The following ACVR1C variants were observed in gnomAD, a reference collection of about 807,000 sequenced individuals.
ACVR1C encodes the protein activin receptor type-1C.
ACVR1C carries 23 observed loss-of-function variants against 57.9 expected under a neutral mutation model. That is an observed-to-expected ratio of 0.40 (90% CI 0.29 to 0.56). ACVR1C has a LOEUF of 0.56. Among genes scored for constraint, ACVR1C ranks in the 20% least tolerant of loss-of-function variants. ACVR1C has a pLI of 0.50. For missense variants in ACVR1C, 480 were observed against 607.9 expected, an observed-to-expected ratio of 0.79 and a Z score of 2.21; for synonymous variants, 214 against 215.3, an observed-to-expected ratio of 0.99 and a Z score of 0.05.
At chr2:157,594,901 A>G (rs950639563) in intron 1 of ACVR1C, among the ~76,000 whole-genome samples, 1 of 152,230 alleles carries the variant, frequency 6.6e-6, no homozygotes, top group South Asian at 2.1e-4. Context: ...TACTGCCTCA[A>G]AATTTTGAAT....
intron 3 of ACVR1C, 100 bp from the exon 4 acceptor site, chr2:157,550,492 T>G: frequency 9.3e-7 from 1 of 1,074,344 alleles, no homozygotes. Flanking sequence ...AACATTTAAA[T>G]GCTTTAATAA....
intron 1 of ACVR1C, among the ~76,000 whole-genome samples, chr2:157,603,198 C>T (rs573225085): frequency 3.3e-5 from 5 of 152,148 alleles, no homozygotes; most frequent in Non-Finnish European, 7.4e-5. Flanking sequence ...AAAATGACTC[C>T]TACGCTACAT....
intron 1 of ACVR1C, among the ~76,000 whole-genome samples, chr2:157,611,212 C>A (rs768177851): frequency 2.6e-5 from 4 of 152,174 alleles, no homozygotes; most frequent in Non-Finnish European, 5.9e-5. Context: ...GTATCTATGA[C>A]ATTGGTTGGG....
At chr2:157,597,352 C>T in intron 1 of ACVR1C, 3 of 985,702 alleles carry the variant, frequency 3.0e-6, no homozygotes, top group Non-Finnish European at 3.6e-6. Flanking sequence ...CCGGGGAGCT[C>T]CCCTTGCCTG....
intron 7 of ACVR1C, among the ~76,000 whole-genome samples, chr2:157,538,923 A>G (rs1447477639): frequency 6.7e-6 from 1 of 150,082 alleles, no homozygotes; most frequent in Non-Finnish European, 1.5e-5. Context: ...AAATGTTTTC[A>G]TAACTGTAAA....
intron 1 of ACVR1C, among the ~76,000 whole-genome samples, chr2:157,591,044 C>G (rs1336355916): frequency 3.9e-5 from 6 of 152,006 alleles, no homozygotes; most frequent in Non-Finnish European, 8.8e-5. Context: ...GGGACTATCT[C>G]TCCTACTACC....
intron 1 of ACVR1C, among the ~76,000 whole-genome samples, chr2:157,595,612 G>T (rs1319476488): frequency 1.3e-5 from 2 of 152,166 alleles, no homozygotes; most frequent in Non-Finnish European, 2.9e-5. Flanking sequence ...CTGCTTAGGA[G>T]AATATTGGTG....
chr2:157,576,774 T>C (rs1048758149), intron 2 of ACVR1C, among the ~76,000 whole-genome samples: 4 of 152,094 alleles, frequency 2.6e-5, no homozygotes, highest in African/African-American at 9.7e-5. Context: ...TGTGTAAGAA[T>C]TACCTGTTCC....
chr2:157,594,382 AGTGACTT>A, intron 1 of ACVR1C, among the ~76,000 whole-genome samples: 1 of 151,798 alleles, frequency 6.6e-6, no homozygotes. Flanking sequence ...TCTCAATATA[AGTGACTT>A]AAGGATTACC....
rs190524602 is a variant in ACVR1C, at chr2:157,537,483, A to C, written c.1356+1090T>G. Among the ~76,000 whole-genome samples, 4 of 152,102 alleles carry C rather than the reference A, an allele frequency of 2.6e-5. No homozygotes were observed. The East Asian group carries it at 7.7e-4, about 29-fold the overall frequency. On this transcript the variant is annotated intron_variant, in intron 8 of 8. Coordinates refer to ENST00000243349, the MANE Select transcript of ACVR1C (RefSeq NM_145259.3). ...TATGTAGGTAAGACATCTACACAAA[A>C]TATAAAAATAACAAAACACAAATCT...
At chr2:157,613,895 C>T (rs1293413570) in intron 1 of ACVR1C, among the ~76,000 whole-genome samples, 1 of 152,110 alleles carries the variant, frequency 6.6e-6, no homozygotes, top group African/African-American at 2.4e-5. Flanking sequence ...AAGATGTTCC[C>T]TCCACTTGCA....
chr2:157,582,065 C>T (rs1462566485), intron 2 of ACVR1C, among the ~76,000 whole-genome samples: 7 of 152,168 alleles, frequency 4.6e-5, no homozygotes, highest in African/African-American at 1.4e-4. Flanking sequence ...TGCCTGTAAT[C>T]CCAGCACTTT....
In ACVR1C at chr2:157,548,280, G is replaced by A. The variant is rs879937771; in HGVS notation, c.775+1882C>T. On this transcript the variant is annotated intron_variant, in intron 4 of 8. Transcript: ENST00000243349. ...ACCACTGCTCAAGGAAATCAAAGAG[G>A]ATACAAACAAATGGAAGAACATTCC... is the stretch of plus-strand genomic sequence containing the variant. Among the ~76,000 whole-genome samples the A allele has an allele frequency of 3.6e-4, 54 of 149,378 alleles. 1 individual carries two copies. Among genetic ancestry groups the A allele is most frequent in the Non-Finnish European group, 7.4e-4 (50 of 67,530 alleles).
At chr2:157,540,748 C>T (rs1687608212) in intron 7 of ACVR1C, among the ~76,000 whole-genome samples, 1 of 152,206 alleles carries the variant, frequency 6.6e-6, no homozygotes, top group East Asian at 1.9e-4. Context: ...CCTTCAAGTC[C>T]TGTTGCCTCA....
In ACVR1C at chr2:157,560,666, A is replaced by G. The variant is rs1688212512; in HGVS notation, c.305-4334T>C. Among the ~76,000 whole-genome samples the G allele has an allele frequency of 3.9e-5, 6 of 152,232 alleles. No homozygotes were observed. The South Asian group carries it at 1.2e-3, about 31-fold the overall frequency. The stretch of plus-strand genomic sequence containing the variant: ...CTTTCATTTTTCATAGGAGGACCTG[A>G]CTGAAAACCTAAATGGGAACTTTCT... On this transcript the variant is annotated intron_variant, in intron 2 of 8. Coordinates refer to ENST00000243349, the MANE Select transcript of ACVR1C (RefSeq NM_145259.3).
intron 2 of ACVR1C, among the ~76,000 whole-genome samples, chr2:157,557,556 G>A (rs113703840): frequency 0.02 from 3,036 of 152,082 alleles, 99 homozygotes; most frequent in African/African-American, 0.064. Flanking sequence ...CATAAGCTTC[G>A]GGAGAGGAAG....
intron 3 of ACVR1C, among the ~76,000 whole-genome samples, chr2:157,550,993 C>G (rs1426855098): frequency 1.3e-5 from 2 of 152,044 alleles, no homozygotes; most frequent in Non-Finnish European, 2.9e-5. Context: ...ATGTATAACG[C>G]TTATATTCTT....
Position 157,556,251 on chromosome 2 carries a change from G to A in ACVR1C, c.386C>T (p.Ala129Val), listed in dbSNP as rs754527953. 30 of 1,614,080 alleles carry A rather than the reference G, an allele frequency of 1.9e-5. No homozygotes were observed. The highest frequency in any genetic ancestry group is 1.1e-4 in the African/African-American group (8 of 74,982). Reference sequence around the variant, plus strand: ...CTGGCATGCCCATACTGTCAGCATCGCAGCTATGGACAGGAGGCAAACAGG... The same window carrying A: ...CTGGCATGCCCATACTGTCAGCATCACAGCTATGGACAGGAGGCAAACAGG... ...TVPVCLLSIA[A>V]MLTVWACQGR... Residue 129 changes from alanine (A) to valine (V), a missense_variant, in exon 3 of 9, where the codon GCG (alanine) becomes GTG (valine). Transcript: ENST00000243349.
intron 6 of ACVR1C, among the ~76,000 whole-genome samples, chr2:157,542,163 T>A (rs1191189448): frequency 6.6e-6 from 1 of 152,142 alleles, no homozygotes; most frequent in Non-Finnish European, 1.5e-5. Context: ...TTGGGAGATT[T>A]AATAATAAGT....
Sources: allele counts gnomAD v4.1 joint callset (sites outside exome capture counted in the v4.1 genomes callset), GRCh38; gene constraint gnomAD v4.1.1; transcripts MANE v1.5; gene names NCBI Gene and HGNC (gene_info 2026-07-23, HGNC 2026-07-21).